Variants in CCDC148 observed in about 807,000 individuals in gnomAD.
CCDC148 encodes coiled-coil domain containing 148.
CCDC148 carries 89 observed loss-of-function variants against 85.7 expected under a neutral mutation model. That is an observed-to-expected ratio of 1.04 (90% CI 0.87 to 1.24). The LOEUF is 1.24. Among genes scored for constraint, CCDC148 ranks in the 50% most tolerant of loss-of-function variants. The pLI is 0.00. For synonymous variants in CCDC148, 230 were observed against 213.9 expected, an observed-to-expected ratio of 1.08 and a Z score of -0.66; for missense variants, 692 against 671.7, an observed-to-expected ratio of 1.03 and a Z score of -0.33.
intron 1 of CCDC148, among the ~76,000 whole-genome samples, chr2:158,446,514 A>G (rs1255034372): frequency 6.6e-6 from 1 of 152,184 alleles, no homozygotes; most frequent in Admixed American, 6.5e-5. Flanking sequence ...GCCATTAGGA[A>G]TATTTTTAAT....
chr2:158,174,936 A>G (rs17193070), intron 13 of CCDC148, among the ~76,000 whole-genome samples: 4,451 of 152,082 alleles, frequency 0.029, 84 homozygotes, highest in Middle Eastern at 0.089. Flanking sequence ...TAAAGCTTCA[A>G]AGTCTGGCAT....
At chr2:158,317,762 T>G (rs922302049) in intron 7 of CCDC148, among the ~76,000 whole-genome samples, 11 of 152,186 alleles carry the variant, frequency 7.2e-5, no homozygotes, top group African/African-American at 2.7e-4. Flanking sequence ...GAAACAAGTT[T>G]ATGAAACTAA....
chr2:158,298,095 C>T (rs1691274770), intron 9 of CCDC148, among the ~76,000 whole-genome samples: 1 of 152,110 alleles, frequency 6.6e-6, no homozygotes, highest in African/African-American at 2.4e-5. Flanking sequence ...AATGAGTGCC[C>T]AGCAAAGGGG....
At chr2:158,207,205 G>A (rs943176600) in intron 11 of CCDC148, among the ~76,000 whole-genome samples, 1 of 152,160 alleles carries the variant, frequency 6.6e-6, no homozygotes, top group Non-Finnish European at 1.5e-5. Context: ...GGGCTGAAGC[G>A]CAGGCATTCA....
chr2:158,442,963 C>G (rs772570331), intron 1 of CCDC148, among the ~76,000 whole-genome samples: 7 of 152,148 alleles, frequency 4.6e-5, no homozygotes, highest in African/African-American at 1.4e-4. Context: ...TCCATTCTAC[C>G]CTCTCTCAGT....
rs139862306 is a variant in CCDC148 at position 158,443,034 on chromosome 2, T to TTTTG, written c.25+13377_25+13380dup. 2.9e-3 allele frequency among the ~76,000 whole-genome samples: 448 copies of TTTTG among 151,936 alleles called. 3 individuals are homozygous for TTTTG. Among genetic ancestry groups the TTTTG allele is most frequent in the Non-Finnish European group, 4.5e-3 (308 of 67,960 alleles). ...GGCATAGAAGAAGATCAGTCATAGTTTTTGTTTGTTTGTTTGTTTGTTTGT... is the reference window on the plus strand; with the variant it reads ...GGCATAGAAGAAGATCAGTCATAGTTTTTGTTTGTTTGTTTGTTTGTTTGTTTGT... On this transcript the variant is annotated intron_variant, in intron 1 of 13. Transcript: ENST00000283233.
chr2:158,392,694 T>C (rs1685365100), intron 1 of CCDC148, among the ~76,000 whole-genome samples: 1 of 152,124 alleles, frequency 6.6e-6, no homozygotes, highest in Non-Finnish European at 1.5e-5. Context: ...CTATATTACT[T>C]TCATCTACTC....
At chr2:158,179,414 C>T (rs1370776380) in intron 11 of CCDC148, among the ~76,000 whole-genome samples, 1 of 151,916 alleles carries the variant, frequency 6.6e-6, no homozygotes, top group Non-Finnish European at 1.5e-5. Context: ...GCCTTGGCCA[C>T]CCAAAGTGCT....
At chr2:158,204,227 A>C (rs1272586634) in intron 11 of CCDC148, among the ~76,000 whole-genome samples, 5 of 152,232 alleles carry the variant, frequency 3.3e-5, no homozygotes, top group African/African-American at 1.2e-4. Flanking sequence ...TAATTACAAT[A>C]CAAAATGAGC....
chr2:158,352,880 G>T (rs1466245834), intron 2 of CCDC148, among the ~76,000 whole-genome samples: 5 of 152,030 alleles, frequency 3.3e-5, no homozygotes, highest in Non-Finnish European at 7.4e-5. Flanking sequence ...CGGATCTCTT[G>T]GCAGAAACCC....
At chr2:158,283,772 C>T (rs569135426) in intron 9 of CCDC148, among the ~76,000 whole-genome samples, 10,596 of 151,600 alleles carry the variant, frequency 0.07, 516 homozygotes, top group Middle Eastern at 0.11. Context: ...CATCCCATTA[C>T]TAGGTATATA....
At chr2:158,438,929 C>T (rs1053210844) in intron 1 of CCDC148, among the ~76,000 whole-genome samples, 1 of 152,102 alleles carries the variant, frequency 6.6e-6, no homozygotes, top group African/African-American at 2.4e-5. Flanking sequence ...CAATGAGATA[C>T]CATCTCATAC....
chr2:158,432,191 G>A, intron 1 of CCDC148, among the ~76,000 whole-genome samples: 1 of 149,252 alleles, frequency 6.7e-6, no homozygotes. Context: ...TAATCAAAAG[G>A]GAGCAGAAAA....
At chr2:158,435,118 T>C (rs994605619) in intron 1 of CCDC148, among the ~76,000 whole-genome samples, 2 of 151,928 alleles carry the variant, frequency 1.3e-5, no homozygotes, top group African/African-American at 4.8e-5. Flanking sequence ...ATTCAGGAAA[T>C]ACAGAGAATG....
intron 7 of CCDC148, among the ~76,000 whole-genome samples, chr2:158,331,284 C>G (rs1002365164): frequency 6.6e-6 from 1 of 152,140 alleles, no homozygotes; most frequent in Non-Finnish European, 1.5e-5. Context: ...CATTCAGGAG[C>G]AGGTTGTTCA....
chr2:158,444,759 T>G (rs1222702295), intron 1 of CCDC148, among the ~76,000 whole-genome samples: 1 of 115,720 alleles, frequency 8.6e-6, no homozygotes, highest in African/African-American at 3.3e-5. Flanking sequence ...CACTCCAGCC[T>G]GGGTGACAGA....
At chr2:158,195,239 T>A in intron 11 of CCDC148, among the ~76,000 whole-genome samples, 1 of 152,210 alleles carries the variant, frequency 6.6e-6, no homozygotes, top group African/African-American at 2.4e-5. Flanking sequence ...CACAGTTAAT[T>A]GCCCCTGCTC....
chr2:158,235,855 CT>C (rs1187459963), intron 10 of CCDC148: 1 of 152,304 alleles, frequency 6.6e-6, no homozygotes, highest in Non-Finnish European at 1.5e-5. Context: ...AGGAGGACCC[CT>C]GACGGGAGCT....
chr2:158,286,995 G>A (rs1690657938), intron 9 of CCDC148, among the ~76,000 whole-genome samples: 1 of 152,150 alleles, frequency 6.6e-6, no homozygotes, highest in Non-Finnish European at 1.5e-5. Flanking sequence ...GTTTCACATG[G>A]CTGGGGAGGC....
Sources: gnomAD v4.1 joint callset for allele counts (sites outside exome capture counted in the v4.1 genomes callset) on GRCh38, gnomAD v4.1.1 for gene constraint, MANE v1.5 for transcripts, NCBI Gene and HGNC (gene_info 2026-07-23, HGNC 2026-07-21) for gene names.